The following ITIH2 variants were observed in gnomAD, a reference collection of about 807,000 sequenced individuals.
The protein encoded by ITIH2 is inter-alpha-trypsin inhibitor heavy chain 2.
ITIH2 carries 103 observed loss-of-function variants against 104.4 expected under a neutral mutation model. The ratio of observed to expected loss-of-function variants is 0.99; its 90% CI spans 0.84 to 1.16. The LOEUF is 1.16. Among genes scored for constraint, ITIH2 ranks in the 50% most tolerant of loss-of-function variants. The probability of loss-of-function intolerance (pLI) is 0.00; values close to 1 mark genes in which losing one functional copy is unlikely to be tolerated. For missense variants in ITIH2, 1,108 were observed against 1,162.4 expected (o/e 0.95, Z 0.68); for synonymous variants, 436 against 435.4 (o/e 1.00, Z -0.02).
intron 5 of ITIH2, among the ~76,000 whole-genome samples, chr10:7,715,872 C>G (rs1438847223): frequency 6.6e-6 from 1 of 152,100 alleles, no homozygotes; most frequent in Non-Finnish European, 1.5e-5. Flanking sequence ...TCCCAAGCAG[C>G]TGGGATTATA....
chr10:7,730,960 T>C (rs2130954864), intron 12 of ITIH2, among the ~76,000 whole-genome samples: 1 of 152,192 alleles, frequency 6.6e-6, no homozygotes, highest in Non-Finnish European at 1.5e-5. Flanking sequence ...TGTGGTGCAG[T>C]GGTTCAGGAG....
At chr10:7,743,026 G>A (rs1306661230) in intron 16 of ITIH2, 120 bp from the exon 17 acceptor site, 2 of 640,102 alleles carry the variant, frequency 3.1e-6, no homozygotes, top group Non-Finnish European at 2.8e-6. Context: ...TACCGAGCAT[G>A]TAGGAGAAGC....
chr10:7,705,866 G>A (rs1442224343), intron 2 of ITIH2, among the ~76,000 whole-genome samples: 1 of 151,972 alleles, frequency 6.6e-6, no homozygotes, highest in Admixed American at 6.6e-5. Context: ...CCTTCCTCTG[G>A]TCACTCTGAG....
At position 7,749,465 on chromosome 10, in the gene ITIH2, A is replaced by G; in HGVS notation, c.*131A>G. The G allele has an allele frequency of 1.4e-6, 1 of 733,814 alleles. No individual in the cohort carries two copies. The highest frequency in any genetic ancestry group is 2.2e-6 in the Non-Finnish European group (1 of 458,312). 45.5% of individuals were successfully genotyped at this position (733,814 alleles called of 1,614,324 possible). ...GGTTAATTAAAATGAACCAGATATC[A>G]GGGTGGTTTATAAAGCCTGTAAACA... is the stretch of plus-strand genomic sequence containing the variant. On this transcript the variant is annotated 3_prime_UTR_variant, in exon 21 of 21. Transcript: ENST00000358415.
rs973635057 is a variant in ITIH2 at position 7,714,264 on chromosome 10, C to G, written c.467+979C>G. Among the ~76,000 whole-genome samples, 5 of 150,882 alleles carry G rather than the reference C, an allele frequency of 3.3e-5. 1 individual carries two copies. In the South Asian group the frequency reaches 6.3e-4, roughly 19 times the overall value. On this transcript the variant is annotated intron_variant, in intron 5 of 20. Coordinates refer to ENST00000358415, the MANE Select transcript of ITIH2 (RefSeq NM_002216.3). ...TCGGCTCACTGCAAGCTCCGCCCCC[C>G]GGGTTCACGCCATTCTCCTGCCTCA...
chr10:7,709,229 C>G, intron 4 of ITIH2, 38 bp downstream of exon 4: 1 of 1,579,776 alleles, frequency 6.3e-7, no homozygotes, highest in Non-Finnish European at 8.7e-7. Context: ...ATTGTAGGTG[C>G]TCTACTCACA....
chr10:7,718,289 T>C (rs1021329613), intron 6 of ITIH2, among the ~76,000 whole-genome samples: 1 of 152,168 alleles, frequency 6.6e-6, no homozygotes, highest in Non-Finnish European at 1.5e-5. Context: ...AGAACACCTA[T>C]TAGATTTGGG....
At chr10:7,714,619 A>G (rs541296300) in intron 5 of ITIH2, among the ~76,000 whole-genome samples, 1 of 152,244 alleles carries the variant, frequency 6.6e-6, no homozygotes, top group Non-Finnish European at 1.5e-5. Flanking sequence ...CAAGCTCTGT[A>G]CCAGTTCTGT....
At chr10:7,721,543 G>A (rs1472016965) in intron 7 of ITIH2, 106 bp from the exon 8 acceptor site, 1 of 1,023,086 alleles carries the variant, frequency 9.8e-7, no homozygotes, top group East Asian at 2.5e-5. Flanking sequence ...CGGGGATTCA[G>A]AACGTCCATT....
At chr10:7,715,986 C>T (rs990214748) in intron 5 of ITIH2, among the ~76,000 whole-genome samples, 14 of 152,064 alleles carry the variant, frequency 9.2e-5, no homozygotes, top group Admixed American at 3.9e-4. Flanking sequence ...CCTCAGCCTC[C>T]GGAGCAGCTG....
chr10:7,713,191 G>C lies in ITIH2; in HGVS notation c.373G>C (p.Gly125Arg). Residue 125 changes from glycine to arginine, a missense_variant, in exon 5 of 21, where the codon GGC becomes CGC. By Grantham distance (125) the Gly-to-Arg change is moderately radical. Transcript: ENST00000358415. ...FISNFSMTVD[G>R]KTFRSSIKEK... is the part of the protein sequence containing the mutation. ...TCTGTCATTTTCTAGGACTGTGGACGGCAAGACATTTAGGAGCTCTATTAA... is the reference window on the plus strand; with the variant it reads ...TCTGTCATTTTCTAGGACTGTGGACCGCAAGACATTTAGGAGCTCTATTAA... 3.7e-6 allele frequency: 6 copies of C among 1,613,502 alleles called. No individual in the cohort carries two copies. Among genetic ancestry groups the C allele is most frequent in the Non-Finnish European group, 5.1e-6 (6 of 1,179,476 alleles).
intron 19 of ITIH2, among the ~76,000 whole-genome samples, chr10:7,745,669 C>T (rs12253010): frequency 0.017 from 2,584 of 151,912 alleles, 79 homozygotes; most frequent in African/African-American, 0.056. Context: ...TCTCTTGAGC[C>T]CCGGAATTGG....
chr10:7,732,273 A>G, intron 13 of ITIH2, 65 bp from the exon 14 acceptor site: 1 of 1,536,442 alleles, frequency 6.5e-7, no homozygotes, highest in Non-Finnish European at 8.9e-7. Flanking sequence ...AGGTACTAAA[A>G]ATGTGAATCA....
At chr10:7,744,518 T>C (rs761727578) in intron 18 of ITIH2, among the ~76,000 whole-genome samples, 4 of 152,206 alleles carry the variant, frequency 2.6e-5, no homozygotes, top group Admixed American at 6.5e-5. Context: ...ACACTCACTG[T>C]GTATGTGCTA....
rs1439941417 is a variant in ITIH2 at position 7,746,637 on chromosome 10, C to T, written c.2626C>T (p.Pro876Ser). ...EPKIHIFNER[P>S]GKDPEKPEAS... ...AAAGATACACATCTTCAATGAGAGA[C>T]CAGGAAAGGACCCTGAGAAGCCAGA... Residue 876 changes from proline to serine, a missense_variant, in exon 20 of 21, where the codon CCA (proline) becomes TCA (serine). Transcript: ENST00000358415. 6.2e-6 allele frequency: 10 copies of T among 1,613,844 alleles called. No individual in the cohort carries two copies. Among genetic ancestry groups the T allele is most frequent in the Non-Finnish European group, 8.5e-6 (10 of 1,179,860 alleles).
At chr10:7,745,565 C>A (rs146362236) in intron 19 of ITIH2, among the ~76,000 whole-genome samples, 1 of 151,822 alleles carries the variant, frequency 6.6e-6, no homozygotes, top group Admixed American at 6.6e-5. Context: ...GCCTGGGCAC[C>A]CCATCTCTAC....
chr10:7,732,352 A>G lies in ITIH2; in HGVS notation c.1662A>G (p.Leu554=), dbSNP rs1027779528. 9 of 1,613,914 alleles carry G rather than the reference A, an allele frequency of 5.6e-6. No homozygotes were observed. The Admixed American group carries it at 1.3e-4, about 24-fold the overall frequency. Residue 554 remains leucine, a synonymous_variant, in exon 14 of 21, where the codon TTA becomes TTG. Coordinates refer to ENST00000358415, the MANE Select transcript of ITIH2 (RefSeq NM_002216.3). Reference sequence around the variant, plus strand: ...CCATCATCTAGGCTAACACGCAGTTAGTCTTGGAGACCCTGGCCCAGATGG... The same window carrying G: ...CCATCATCTAGGCTAACACGCAGTTGGTCTTGGAGACCCTGGCCCAGATGG... ...VITATSANTQ[L]VLETLAQMDD...
chr10:7,740,829 A>G (rs1272730241), intron 16 of ITIH2, among the ~76,000 whole-genome samples: 4 of 152,180 alleles, frequency 2.6e-5, no homozygotes, highest in Admixed American at 2.6e-4. Flanking sequence ...TCCTAGTAGA[A>G]GCTGTTATCA....
chr10:7,709,819 A>C (rs1379458420), intron 4 of ITIH2, among the ~76,000 whole-genome samples: 1 of 152,208 alleles, frequency 6.6e-6, no homozygotes, highest in Admixed American at 6.5e-5. Flanking sequence ...ATACATATTG[A>C]AGTGTTCATA....
Sources: allele counts gnomAD v4.1 joint callset (sites outside exome capture counted in the v4.1 genomes callset), GRCh38; gene constraint gnomAD v4.1.1; transcripts MANE v1.5; gene names NCBI Gene and HGNC (gene_info 2026-07-23, HGNC 2026-07-21).